Variants in PRKCQ observed in about 807,000 individuals in gnomAD.
PRKCQ encodes protein kinase C theta type.
In PRKCQ, 41 loss-of-function variants were observed where a neutral mutation model predicts 91.2. That is an observed-to-expected ratio of 0.45 (90% CI 0.35 to 0.58). The LOEUF is 0.58. Among genes scored for constraint, PRKCQ ranks in the 20% least tolerant of loss-of-function variants. The pLI is 0.00. For missense variants in PRKCQ, 673 were observed against 896.5 expected (o/e 0.75, Z 3.18); for synonymous variants, 307 against 316.9 (o/e 0.97, Z 0.33).
intron 11 of PRKCQ, among the ~76,000 whole-genome samples, chr10:6,479,922 A>C (rs1479597808): frequency 6.6e-6 from 1 of 152,076 alleles, no homozygotes; most frequent in Admixed American, 6.6e-5. Flanking sequence ...ACTGCACTCC[A>C]GCCTGGGCGT....
rs113394770 is a variant in PRKCQ at position 6,577,898 on chromosome 10, T to C, written c.-10+2313A>G. Among the ~76,000 whole-genome samples the C allele has an allele frequency of 2.5e-3, 376 of 152,100 alleles. 2 individuals are homozygous for C. The highest frequency in any genetic ancestry group is 8.5e-3 in the South Asian group (41 of 4,818). ...CTACTTCTGAATCCCCGAAGTTACATACTTGTACCACAAGCCCATACTCTT... is the reference window on the plus strand; with the variant it reads ...CTACTTCTGAATCCCCGAAGTTACACACTTGTACCACAAGCCCATACTCTT... On this transcript the variant is annotated intron_variant, in intron 1 of 17. Transcript: ENST00000263125.
At chr10:6,579,354 C>T (rs570806328) in intron 1 of PRKCQ, among the ~76,000 whole-genome samples, 2 of 152,178 alleles carry the variant, frequency 1.3e-5, no homozygotes, top group East Asian at 1.9e-4. Context: ...TATAGCACCA[C>T]GTCCAGCCCG....
intron 14 of PRKCQ, among the ~76,000 whole-genome samples, chr10:6,460,124 T>G (rs1369425906): frequency 6.6e-6 from 1 of 152,208 alleles, no homozygotes; most frequent in Non-Finnish European, 1.5e-5. Flanking sequence ...AACTATTTGA[T>G]GATGACTTTC....
chr10:6,515,298 G>A (rs888323196), intron 1 of PRKCQ, 154 bp from the exon 2 acceptor site: 3 of 1,525,338 alleles, frequency 2.0e-6, no homozygotes, highest in Non-Finnish European at 1.7e-6. Context: ...TTCCCCTTCT[G>A]CAGAGGACAC....
At chr10:6,551,950 A>C (rs1840201827) in intron 1 of PRKCQ, among the ~76,000 whole-genome samples, 1 of 152,210 alleles carries the variant, frequency 6.6e-6, no homozygotes, top group Non-Finnish European at 1.5e-5. Flanking sequence ...GTGTATAAGC[A>C]TTCCATTTTC....
At chr10:6,566,657 C>T (rs1840847051) in intron 1 of PRKCQ, among the ~76,000 whole-genome samples, 1 of 152,050 alleles carries the variant, frequency 6.6e-6, no homozygotes, top group Admixed American at 6.5e-5. Context: ...CTCATGGGTT[C>T]CTAATATCCT....
intron 13 of PRKCQ, among the ~76,000 whole-genome samples, chr10:6,463,751 A>T (rs1343193942): frequency 6.6e-6 from 1 of 152,190 alleles, no homozygotes; most frequent in Admixed American, 6.5e-5. Context: ...GGGAGCAGGA[A>T]GTGGGACCCA....
intron 12 of PRKCQ, among the ~76,000 whole-genome samples, chr10:6,472,932 C>CA (rs1232571132): frequency 2.6e-5 from 4 of 152,196 alleles, no homozygotes; most frequent in Non-Finnish European, 5.9e-5. Context: ...AGGCTGGTCT[C>CA]AAACTCCTGA....
chr10:6,504,867 T>C (rs1405933125), intron 4 of PRKCQ, among the ~76,000 whole-genome samples: 1 of 151,560 alleles, frequency 6.6e-6, no homozygotes, highest in Non-Finnish European at 1.5e-5. Context: ...GATCTAGATA[T>C]AAAAAGTTTT....
At chr10:6,440,691 A>T (rs1166415124) in intron 16 of PRKCQ, among the ~76,000 whole-genome samples, 1 of 152,136 alleles carries the variant, frequency 6.6e-6, no homozygotes, top group Non-Finnish European at 1.5e-5. Context: ...CTTTAAAATT[A>T]AAATTTATGT....
chr10:6,477,142 C>G (rs1216073988), intron 12 of PRKCQ, among the ~76,000 whole-genome samples: 1 of 152,212 alleles, frequency 6.6e-6, no homozygotes, highest in Non-Finnish European at 1.5e-5. Context: ...GCCCAAGGCC[C>G]TTTCTGCCCA....
At chr10:6,464,516 C>T in intron 12 of PRKCQ, 112 bp from the exon 13 acceptor site, 1 of 847,016 alleles carries the variant, frequency 1.2e-6, no homozygotes, top group African/African-American at 1.7e-5. Context: ...GTGGCGTGAT[C>T]TCGGGTCACT....
At chr10:6,432,803 A>G (rs1833488333) in intron 16 of PRKCQ, among the ~76,000 whole-genome samples, 3 of 151,936 alleles carry the variant, frequency 2.0e-5, no homozygotes, top group Admixed American at 6.5e-5. Context: ...CAGTCCAGAC[A>G]TTTCTGCTCA....
chr10:6,471,718 C>A (rs1302377551), intron 12 of PRKCQ, among the ~76,000 whole-genome samples: 1 of 152,132 alleles, frequency 6.6e-6, no homozygotes, highest in South Asian at 2.1e-4. Flanking sequence ...CCACTGTACT[C>A]CAATCTGGGC....
chr10:6,484,306 C>T (rs1487640206), intron 10 of PRKCQ, among the ~76,000 whole-genome samples: 2 of 152,030 alleles, frequency 1.3e-5, no homozygotes, highest in African/African-American at 4.8e-5. Context: ...CCCAGGTACT[C>T]GGGAAGCTGA....
At chr10:6,404,445 TCTTTC>T in the PRKCQ span, among the ~76,000 whole-genome samples, 3 of 151,514 alleles carry the variant, frequency 2.0e-5, no homozygotes, top group Non-Finnish European at 4.4e-5. Context: ...TCTTTCTTTC[TCTTTC>T]CTTTCTTCCT....
chr10:6,461,382 A>T (rs183665069), intron 14 of PRKCQ, among the ~76,000 whole-genome samples: 6 of 152,354 alleles, frequency 3.9e-5, no homozygotes, highest in East Asian at 1.9e-4. Flanking sequence ...AGAAAAATTT[A>T]AAAAAATTCT....
intron 15 of PRKCQ, among the ~76,000 whole-genome samples, chr10:6,451,305 A>G (rs369688515): frequency 4.6e-5 from 7 of 152,070 alleles, no homozygotes; most frequent in African/African-American, 9.6e-5. Flanking sequence ...ACACCTCTAC[A>G]CAAATAAACT....
the PRKCQ span, among the ~76,000 whole-genome samples, chr10:6,400,402 T>G: frequency 1.2e-4 from 18 of 152,298 alleles, no homozygotes; most frequent in African/African-American, 4.3e-4. Flanking sequence ...TTGTTGAATG[T>G]GAGTAGTCAC....
Sources: allele counts gnomAD v4.1 joint callset (sites outside exome capture counted in the v4.1 genomes callset), GRCh38; gene constraint gnomAD v4.1.1; transcripts MANE v1.5; gene names NCBI Gene and HGNC (gene_info 2026-07-23, HGNC 2026-07-21).